AFF2: variants seen among roughly 807,000 people sequenced by gnomAD.
The protein encoded by AFF2 is ALF transcription elongation factor 2, also known as AF4/FMR2 family member 2.
Under a neutral mutation model 76.9 loss-of-function variants are expected in AFF2, and 14 were observed. The observed-to-expected ratio is 0.18, with a 90% CI of 0.12 to 0.28. AFF2 has a LOEUF of 0.28. Among genes scored for constraint, AFF2 ranks in the 10% least tolerant of loss-of-function variants. AFF2 has a pLI of 1.00. For missense variants in AFF2, 868 were observed against 1,001.1 expected (o/e 0.87, Z 1.79); for synonymous variants, 398 against 366.7 (o/e 1.09, Z -0.98).
chrX:148,769,447 A>G (rs1199028027), intron 3 of AFF2, among the ~76,000 whole-genome samples: 1 of 111,723 alleles, frequency 9.0e-6, no homozygotes, highest in Admixed American at 9.5e-5. Context: ...AGCAGGGACA[A>G]TGATGTATTT....
At chrX:148,635,211 A>C (rs2124436158) in intron 1 of AFF2, among the ~76,000 whole-genome samples, 1 of 111,512 alleles carries the variant, frequency 9.0e-6, no homozygotes, top group South Asian at 3.8e-4. Flanking sequence ...GGGCTCTAAT[A>C]AAAGGAAGGC....
intron 7 of AFF2, among the ~76,000 whole-genome samples, chrX:148,844,119 C>T (rs1007214462): frequency 4.5e-5 from 5 of 112,020 alleles, no homozygotes; most frequent in African/African-American, 1.3e-4. Flanking sequence ...TTAACTAGTT[C>T]AAACACTGTA....
chrX:148,506,860 G>T (rs1255180436), intron 1 of AFF2, among the ~76,000 whole-genome samples: 1 of 111,933 alleles, frequency 8.9e-6, no homozygotes, highest in African/African-American at 3.2e-5. Flanking sequence ...TAATAAAACG[G>T]AAGTTCAGAG....
At chrX:148,634,500 G>A (rs1557253520) in intron 1 of AFF2, among the ~76,000 whole-genome samples, 1 of 111,601 alleles carries the variant, frequency 9.0e-6, no homozygotes, top group Non-Finnish European at 1.9e-5. Flanking sequence ...ACTTGCATAT[G>A]AATAGAAAAC....
chrX:148,740,141 T>C (rs782403784), intron 3 of AFF2, among the ~76,000 whole-genome samples: 1 of 111,901 alleles, frequency 8.9e-6, no homozygotes, highest in Non-Finnish European at 1.9e-5. Flanking sequence ...GAGGATCTTT[T>C]TGTGATGAAC....
intron 1 of AFF2, among the ~76,000 whole-genome samples, chrX:148,582,758 C>A (rs782192095): frequency 3.6e-5 from 4 of 111,870 alleles, no homozygotes; most frequent in African/African-American, 6.5e-5. Flanking sequence ...CCAAGAGAAT[C>A]GAAAACATTT....
At chrX:148,965,259 C>A (rs186522386) in intron 13 of AFF2, among the ~76,000 whole-genome samples, 10 of 111,587 alleles carry the variant, frequency 9.0e-5, no homozygotes, top group Middle Eastern at 4.7e-3. Flanking sequence ...GGGACAAATT[C>A]GAGAGATGTT....
chrX:148,923,728 T>C (rs1303409409), intron 9 of AFF2, among the ~76,000 whole-genome samples: 1 of 111,793 alleles, frequency 8.9e-6, no homozygotes, highest in African/African-American at 3.3e-5. Context: ...CTTTGTAGGA[T>C]GTATATAGTC....
At chrX:148,752,473 A>G (rs919054352) in intron 3 of AFF2, among the ~76,000 whole-genome samples, 4 of 111,746 alleles carry the variant, frequency 3.6e-5, no homozygotes, top group African/African-American at 1.3e-4. Flanking sequence ...AATCCCAACT[A>G]TGGAGTTTGT....
chrX:148,627,034 C>T, intron 1 of AFF2, among the ~76,000 whole-genome samples: 1 of 110,233 alleles, frequency 9.1e-6, no homozygotes, highest in African/African-American at 3.3e-5. Flanking sequence ...TCTAGCACTC[C>T]ATCTCCACAA....
At chrX:148,827,365 G>A (rs1700114121) in intron 4 of AFF2, among the ~76,000 whole-genome samples, 1 of 112,044 alleles carries the variant, frequency 8.9e-6, no homozygotes, top group Non-Finnish European at 1.9e-5. Context: ...CTACAAGAAA[G>A]CTATCATGTT....
chrX:148,692,100 T>C (rs1557260814), intron 3 of AFF2, among the ~76,000 whole-genome samples: 1 of 109,938 alleles, frequency 9.1e-6, no homozygotes, highest in African/African-American at 3.3e-5. Context: ...TTGGAAGAAC[T>C]GTAAGTAGAT....
At chrX:148,519,921 AT>A (rs1191845129) in intron 1 of AFF2, among the ~76,000 whole-genome samples, 11 of 112,410 alleles carry the variant, frequency 9.8e-5, no homozygotes, top group African/African-American at 3.2e-4. Context: ...TGTTTTAAAC[AT>A]TTTTTTAGAA....
intron 3 of AFF2, among the ~76,000 whole-genome samples, chrX:148,738,144 G>A (rs1557265275): frequency 9.0e-6 from 1 of 111,274 alleles, no homozygotes. Context: ...AATGAATTAG[G>A]GAGGGTTCTT....
intron 7 of AFF2, among the ~76,000 whole-genome samples, chrX:148,849,550 A>T (rs1266454646): frequency 1.8e-5 from 2 of 110,311 alleles, no homozygotes; most frequent in East Asian, 5.7e-4. Flanking sequence ...GAAACACTGC[A>T]CATCATTGTC....
In AFF2 at chrX:148,703,486, C is replaced by T. The variant is rs181030012; in HGVS notation, c.1041+40718C>T. On this transcript the variant is annotated intron_variant, in intron 3 of 20. Transcript: ENST00000370460. ...AAATAATTGTCTGATTTATATGGAT[C>T]CCCCAAGGTACATTAAACTTGGATA... 3.0e-3 allele frequency among the ~76,000 whole-genome samples: 336 copies of T among 111,782 alleles called. 2 individuals carry two copies. Among genetic ancestry groups the T allele is most frequent in the African/African-American group, 0.01 (318 of 30,733 alleles).
chrX:148,730,702 A>G (rs2055210371), intron 3 of AFF2, among the ~76,000 whole-genome samples: 1 of 112,739 alleles, frequency 8.9e-6, no homozygotes, highest in Non-Finnish European at 1.9e-5. Context: ...CAAAACACCC[A>G]AAGCCAATGT....
chrX:148,534,970 G>A (rs782078829), intron 1 of AFF2, among the ~76,000 whole-genome samples: 3 of 111,668 alleles, frequency 2.7e-5, no homozygotes, highest in African/African-American at 9.8e-5. Flanking sequence ...ATGATAAAAG[G>A]TGTGGCTTTG....
intron 1 of AFF2, among the ~76,000 whole-genome samples, chrX:148,622,940 A>C (rs1557251445): frequency 8.9e-6 from 1 of 111,910 alleles, no homozygotes; most frequent in East Asian, 2.8e-4. Flanking sequence ...CTACACTGTA[A>C]GCTCTTCAGG....
Sources: allele counts gnomAD v4.1 joint callset (sites outside exome capture counted in the v4.1 genomes callset), GRCh38; gene constraint gnomAD v4.1.1; transcripts MANE v1.5; gene names NCBI Gene and HGNC (gene_info 2026-07-23, HGNC 2026-07-21).